The following PIKFYVE variants were observed in gnomAD, a reference collection of about 807,000 sequenced individuals.
The protein encoded by PIKFYVE is phosphoinositide kinase, FYVE-type zinc finger containing.
Under a neutral mutation model 257.9 loss-of-function variants are expected in PIKFYVE, and 122 were observed. The ratio of observed to expected loss-of-function variants is 0.47; its 90% CI spans 0.41 to 0.55. PIKFYVE has a LOEUF of 0.55. PIKFYVE is among the 20% of genes least tolerant of loss of function. The probability of loss-of-function intolerance (pLI) is 0.00; values close to 1 mark genes in which losing one functional copy is unlikely to be tolerated. For synonymous variants in PIKFYVE, 892 were observed against 868.9 expected (o/e 1.03, Z -0.47); for missense variants, 2,160 against 2,536.6 (o/e 0.85, Z 3.19).
chr2:208,315,969 C>T (rs568065108), intron 15 of PIKFYVE, among the ~76,000 whole-genome samples: 7 of 150,584 alleles, frequency 4.6e-5, no homozygotes, highest in East Asian at 2.0e-4. Context: ...TGGTGTGCTG[C>T]ACCCATTAAC....
intron 24 of PIKFYVE, 59 bp from the exon 25 acceptor site, chr2:208,335,247 T>A: frequency 9.1e-7 from 1 of 1,098,198 alleles, no homozygotes; most frequent in Non-Finnish European, 1.4e-6. Context: ...ATGATACAGC[T>A]CTATTCAAGA....
At chr2:208,288,036 A>T (rs1289388187) in intron 6 of PIKFYVE, among the ~76,000 whole-genome samples, 1 of 152,204 alleles carries the variant, frequency 6.6e-6, no homozygotes, top group Non-Finnish European at 1.5e-5. Context: ...GTTTTTGCTT[A>T]CTTTAGTTAG....
intron 6 of PIKFYVE, among the ~76,000 whole-genome samples, chr2:208,286,881 T>TA (rs1691644873): frequency 6.6e-6 from 1 of 152,172 alleles, no homozygotes; most frequent in Non-Finnish European, 1.5e-5. Flanking sequence ...ATCTGGCCGT[T>TA]ACAAAGAGCC....
At chr2:208,335,993 T>G in intron 26 of PIKFYVE, 53 bp from the exon 27 acceptor site, 1 of 1,606,796 alleles carries the variant, frequency 6.2e-7, no homozygotes, top group Non-Finnish European at 8.5e-7. Flanking sequence ...CAGTTTCTTT[T>G]GGGGTATGTC....
intron 15 of PIKFYVE, among the ~76,000 whole-genome samples, chr2:208,316,930 A>G (rs1695596058): frequency 6.6e-6 from 1 of 152,238 alleles, no homozygotes; most frequent in South Asian, 2.1e-4. Context: ...GCCTAACCAT[A>G]TGTAGAAAGC....
At chr2:208,326,573 T>G in intron 20 of PIKFYVE, 144 bp downstream of exon 20, 1 of 897,046 alleles carries the variant, frequency 1.1e-6, no homozygotes, top group Non-Finnish European at 1.8e-6. Flanking sequence ...GTTTTTGTCT[T>G]GAGTCTGCTG....
intron 16 of PIKFYVE, among the ~76,000 whole-genome samples, chr2:208,318,224 T>C (rs528779636): frequency 2.0e-4 from 31 of 152,330 alleles, no homozygotes; most frequent in Non-Finnish European, 4.1e-4. Flanking sequence ...ATTTATCTCC[T>C]GATCCTGTTA....
intron 13 of PIKFYVE, among the ~76,000 whole-genome samples, chr2:208,314,003 T>A (rs1403981457): frequency 6.6e-6 from 1 of 152,246 alleles, no homozygotes; most frequent in Non-Finnish European, 1.5e-5. Flanking sequence ...TTGAGAGTCT[T>A]AGTTACGTAC....
At chr2:208,336,012 G>T (rs376547312) in intron 26 of PIKFYVE, 34 bp from the exon 27 acceptor site, 22 of 1,613,214 alleles carry the variant, frequency 1.4e-5, no homozygotes, top group Non-Finnish European at 1.8e-5. Flanking sequence ...TCTGTATAGT[G>T]TCTGTCTCCT....
At chr2:208,285,603 G>A (rs1691468130) in intron 5 of PIKFYVE, 123 bp from the exon 6 acceptor site, 4 of 803,028 alleles carry the variant, frequency 5.0e-6, no homozygotes, top group South Asian at 2.8e-5. Context: ...GTCTGTACTT[G>A]AAGACATTTC....
chr2:208,333,903 A>C (rs186885683), intron 24 of PIKFYVE, among the ~76,000 whole-genome samples: 1 of 152,278 alleles, frequency 6.6e-6, no homozygotes, highest in Non-Finnish European at 1.5e-5. Context: ...TCGGCCTTTC[A>C]AAGTGTGGGG....
intron 17 of PIKFYVE, among the ~76,000 whole-genome samples, chr2:208,322,612 G>A (rs574619380): frequency 6.6e-6 from 1 of 151,482 alleles, no homozygotes; most frequent in Admixed American, 6.6e-5. Flanking sequence ...TACTGTGTTT[G>A]CATTAATTTG....
Position 208,345,423 on chromosome 2 carries a change from T to C in PIKFYVE, c.5111+229T>C, listed in dbSNP as rs564958202. Among the ~76,000 whole-genome samples, 6 of 152,242 alleles carry C rather than the reference T, an allele frequency of 3.9e-5. No individual in the cohort carries two copies. In the East Asian group the frequency reaches 5.8e-4, roughly 15 times the overall value. The stretch of plus-strand genomic sequence containing the variant: ...TGATAATTGCAATAGCAGTTAAATG[T>C]ATATTGCAGATTTAAGGACATTTTT... On this transcript the variant is annotated intron_variant, in intron 33 of 41. Transcript: ENST00000264380.
At chr2:208,339,920 A>G in intron 30 of PIKFYVE, 91 bp from the exon 31 acceptor site, 1 of 1,416,486 alleles carries the variant, frequency 7.1e-7, no homozygotes, top group Non-Finnish European at 9.9e-7. Flanking sequence ...ACATATGTCC[A>G]TATTCCGAAA....
intron 24 of PIKFYVE, 119 bp from the exon 25 acceptor site, chr2:208,335,187 A>T (rs41305985): frequency 3.8e-5 from 28 of 736,748 alleles, no homozygotes; most frequent in Non-Finnish European, 6.1e-5. Flanking sequence ...TTAAAATACG[A>T]TTTTATAGAA....
At position 208,315,389 on chromosome 2, in the gene PIKFYVE, G is replaced by A. The variant is rs767243142; in HGVS notation, c.2007+16G>A. 9.3e-6 allele frequency: 15 copies of A among 1,613,208 alleles called. No individual in the cohort carries two copies. In the Admixed American group the frequency reaches 2.0e-4, roughly 22 times the overall value. On this transcript the variant is annotated intron_variant, in intron 15 of 41. Coordinates refer to ENST00000264380, the MANE Select transcript of PIKFYVE (RefSeq NM_015040.4). ...CATCAAAAAAGTGAGCTCTGCTAATGTTTTACTAATGCTAGGAACTGATGA... is the reference window on the plus strand; with the variant it reads ...CATCAAAAAAGTGAGCTCTGCTAATATTTTACTAATGCTAGGAACTGATGA...
intron 2 of PIKFYVE, 32 bp downstream of exon 2, chr2:208,271,723 C>A (rs776840730): frequency 4.8e-5 from 76 of 1,592,652 alleles, no homozygotes; most frequent in Non-Finnish European, 6.1e-5. Flanking sequence ...AGGTTTGATT[C>A]AGGTCTGATT....
chr2:208,320,190 T>G, intron 16 of PIKFYVE, 62 bp from the exon 17 acceptor site: 3 of 1,572,348 alleles, frequency 1.9e-6, no homozygotes, highest in Non-Finnish European at 2.6e-6. Context: ...AAAGTTATAA[T>G]TAAAGGAGGG....
At chr2:208,291,141 C>T (rs972066870) in intron 7 of PIKFYVE, among the ~76,000 whole-genome samples, 11 of 152,154 alleles carry the variant, frequency 7.2e-5, no homozygotes, top group East Asian at 3.9e-4. Flanking sequence ...TGTTGTTTTT[C>T]GTAGATACTC....
Sources: gnomAD v4.1 joint callset for allele counts (sites outside exome capture counted in the v4.1 genomes callset) on GRCh38, gnomAD v4.1.1 for gene constraint, MANE v1.5 for transcripts, NCBI Gene and HGNC (gene_info 2026-07-23, HGNC 2026-07-21) for gene names.